The following GAB2 variants were observed in gnomAD, a reference collection of about 807,000 sequenced individuals.
The protein encoded by GAB2 is GRB2-associated-binding protein 2.
A neutral mutation model predicts 65.5 loss-of-function variants in GAB2; 26 were observed. That is an observed-to-expected ratio of 0.40 (90% CI 0.29 to 0.55). GAB2 has a LOEUF of 0.55. GAB2 is among the 20% of genes least tolerant of loss of function. The pLI, the probability that GAB2 is intolerant of heterozygous loss-of-function variation, is 0.53. For synonymous variants in GAB2, 321 were observed against 329.6 expected, an observed-to-expected ratio of 0.97 and a Z score of 0.28; for missense variants, 884 against 875.8, an observed-to-expected ratio of 1.01 and a Z score of -0.12.
chr11:78,387,569 T>C (rs1433093790), intron 1 of GAB2, among the ~76,000 whole-genome samples: 1 of 152,122 alleles, frequency 6.6e-6, no homozygotes, highest in Non-Finnish European at 1.5e-5. Context: ...GCTTAATCAT[T>C]ACATAACAAA....
intron 1 of GAB2, among the ~76,000 whole-genome samples, chr11:78,415,284 A>C (rs953939641): frequency 6.6e-6 from 1 of 152,218 alleles, no homozygotes; most frequent in Non-Finnish European, 1.5e-5. Context: ...GGATTTCTCA[A>C]TCTACAATAT....
chr11:78,221,655 C>T lies in GAB2; in HGVS notation c.1761+22G>A, dbSNP rs149853536. 2.8e-4 allele frequency: 415 copies of T among 1,497,302 alleles called. 1 individual carries two copies. In the African/African-American group the frequency reaches 5.0e-3, roughly 18 times the overall value. The allele number at this position is 1,497,302 out of a possible 1,614,324, so 92.8% of individuals were successfully genotyped here. A position where few individuals can be genotyped will look rare whatever the true frequency, so the allele number is the denominator to read the frequency against. ...CCAGGGGACTTGAAAGGCGTCATTC[C>T]AGCGAAGCCCGAAGGACTCACCATA... On this transcript the variant is annotated intron_variant, in intron 8 of 9. Coordinates refer to ENST00000361507, the MANE Select transcript of GAB2 (RefSeq NM_080491.3).
At chr11:78,349,043 A>T (rs1335425553) in intron 1 of GAB2, among the ~76,000 whole-genome samples, 1 of 152,224 alleles carries the variant, frequency 6.6e-6, no homozygotes, top group Non-Finnish European at 1.5e-5. Flanking sequence ...GAAAGACTGC[A>T]AAGGGGCAAG....
chr11:78,226,744 G>A lies in GAB2; in HGVS notation c.928C>T (p.Leu310=). The change falls in exon 4 of 10, where the codon CTG becomes TTG. Residue 310 remains leucine (L), a synonymous_variant. Coordinates refer to ENST00000361507, the MANE Select transcript of GAB2 (RefSeq NM_080491.3). ...NTLCREFGDL[L]VDNMDVPATP... ...GCCGGAACATCCATATTGTCTACCA[G>A]GAGGTCCCCGAACTCCCTGCACAGG... The A allele has an allele frequency of 6.2e-7, 1 of 1,614,084 alleles. No homozygotes were observed. The highest frequency in any genetic ancestry group is 8.5e-7 in the Non-Finnish European group (1 of 1,179,978).
At chr11:78,359,717 T>C (rs1405992560) in intron 1 of GAB2, among the ~76,000 whole-genome samples, 2 of 152,184 alleles carry the variant, frequency 1.3e-5, no homozygotes, top group Non-Finnish European at 2.9e-5. Context: ...ATAAATAAGA[T>C]AGAAAATACC....
chr11:78,340,618 GA>G (rs35065436), intron 1 of GAB2, among the ~76,000 whole-genome samples: 21,539 of 130,308 alleles, frequency 0.17, 1,715 homozygotes, highest in African/African-American at 0.2. Context: ...ATGTGAAGAG[GA>G]AAAAAAAAAA....
rs1043009225 is a variant in GAB2, at chr11:78,373,342, G to A, written c.75+44304C>T. On this transcript the variant is annotated intron_variant, in intron 1 of 9. Coordinates refer to ENST00000361507, the MANE Select transcript of GAB2 (RefSeq NM_080491.3). ...GCAACCTCCGCCTCAGGGTTAAAGCGATTCTCCTGCCTCAGCCTCTGGAGT... is the reference window on the plus strand; with the variant it reads ...GCAACCTCCGCCTCAGGGTTAAAGCAATTCTCCTGCCTCAGCCTCTGGAGT... 5.3e-5 allele frequency among the ~76,000 whole-genome samples: 8 copies of A among 151,180 alleles called. No homozygotes were observed. The East Asian group carries it at 1.2e-3, about 22-fold the overall frequency.
chr11:78,227,051 C>A lies in GAB2; in HGVS notation c.621G>T (p.Arg207Ser). 6.3e-7 allele frequency: 1 copy of A among 1,596,882 alleles called. No individual in the cohort carries two copies. The highest frequency in any genetic ancestry group is 8.6e-7 in the Non-Finnish European group (1 of 1,168,846). Residue 207 changes from arginine to serine, a missense_variant and splice_region_variant, in exon 4 of 10, where the codon AGG (arginine) becomes AGT (serine). By Grantham distance (110) the Arg-to-Ser change is moderately radical (BLOSUM62 -1). Transcript: ENST00000361507. ...QCISRRAENA[R>S]SASFSQGTRA... ...TGGTGCCCTGAGAGAAGCTGGCACT[C>A]CTAAAAGAGAAAGAAGGGAAAGGGC...
At chr11:78,237,659 C>G (rs1406704440) in intron 3 of GAB2, among the ~76,000 whole-genome samples, 1 of 152,018 alleles carries the variant, frequency 6.6e-6, no homozygotes, top group Non-Finnish European at 1.5e-5. Context: ...AATGAAAAAT[C>G]AGTTTAAAAA....
At chr11:78,288,208 C>T (rs1866541766) in intron 1 of GAB2, among the ~76,000 whole-genome samples, 1 of 150,678 alleles carries the variant, frequency 6.6e-6, no homozygotes, top group Admixed American at 6.6e-5. Context: ...GGTGAAATCC[C>T]ATCTCTACTA....
At chr11:78,338,089 A>T (rs1170304336) in intron 1 of GAB2, among the ~76,000 whole-genome samples, 3 of 152,102 alleles carry the variant, frequency 2.0e-5, no homozygotes, top group Admixed American at 2.0e-4. Flanking sequence ...ATGTTACCTG[A>T]CTCTTCAGGA....
At chr11:78,291,561 C>CTTTT (rs1163199130) in intron 1 of GAB2, among the ~76,000 whole-genome samples, 66 of 80,892 alleles carry the variant, frequency 8.2e-4, no homozygotes, top group South Asian at 1.3e-3. Flanking sequence ...TTTTCTTTTT[C>CTTTT]TTTTTTTTTT....
intron 1 of GAB2, among the ~76,000 whole-genome samples, chr11:78,388,761 C>A (rs903149931): frequency 3.3e-5 from 5 of 152,180 alleles, no homozygotes; most frequent in African/African-American, 1.2e-4. Context: ...TCAAAATAAG[C>A]AAATGCAATG....
intron 4 of GAB2, among the ~76,000 whole-genome samples, chr11:78,226,230 A>G (rs1864645089): frequency 6.6e-6 from 1 of 152,240 alleles, no homozygotes. Context: ...CTCCATTAGT[A>G]GAACATTAAC....
chr11:78,309,972 G>GTGTGTGTGTGCA (rs1565153917), intron 1 of GAB2, among the ~76,000 whole-genome samples: 1 of 126,794 alleles, frequency 7.9e-6, no homozygotes, highest in African/African-American at 4.5e-5. Flanking sequence ...GTGTGTGTGT[G>GTGTGTGTGTGCA]CGCGCGCGCC....
rs1474585981 is a variant in GAB2 at position 78,232,462 on chromosome 11, CT to C, written c.621-5412del. Among the ~76,000 whole-genome samples, 3 of 152,214 alleles carry C rather than the reference CT, an allele frequency of 2.0e-5. No homozygotes were observed. The East Asian group carries it at 5.8e-4, about 29-fold the overall frequency. On this transcript the variant is annotated intron_variant, in intron 3 of 9. Coordinates refer to ENST00000361507, the MANE Select transcript of GAB2 (RefSeq NM_080491.3). ...ACAAAAATAAGTCCAGTGAAACCAACTTGTCTTCAAAGAGAAAAAGAACTCT... is the reference window on the plus strand; with the variant it reads ...ACAAAAATAAGTCCAGTGAAACCAACTGTCTTCAAAGAGAAAAAGAACTCT...
chr11:78,385,795 G>A (rs1044235429), intron 1 of GAB2, among the ~76,000 whole-genome samples: 1 of 152,194 alleles, frequency 6.6e-6, no homozygotes, highest in Non-Finnish European at 1.5e-5. Flanking sequence ...ACAAAATTAT[G>A]AGGCACCCAA....
intron 3 of GAB2, among the ~76,000 whole-genome samples, chr11:78,240,917 C>A (rs1014262113): frequency 6.6e-6 from 1 of 152,208 alleles, no homozygotes; most frequent in Non-Finnish European, 1.5e-5. Context: ...CAAGACCCAG[C>A]TGCCACAATA....
chr11:78,348,368 A>G (rs1444127702), intron 1 of GAB2, among the ~76,000 whole-genome samples: 1 of 152,242 alleles, frequency 6.6e-6, no homozygotes, highest in African/African-American at 2.4e-5. Context: ...TCCAGATCAT[A>G]AAAGGAACTT....
Sources: allele counts gnomAD v4.1 joint callset (sites outside exome capture counted in the v4.1 genomes callset), GRCh38; gene constraint gnomAD v4.1.1; transcripts MANE v1.5; gene names NCBI Gene and HGNC (gene_info 2026-07-23, HGNC 2026-07-21).